ADAMTSL1: variants seen among roughly 807,000 people sequenced by gnomAD.
ADAMTSL1 encodes the protein ADAMTS like 1.
Under a neutral mutation model 201.8 loss-of-function variants are expected in ADAMTSL1, and 126 were observed. That is an observed-to-expected ratio of 0.62 (90% confidence interval 0.54 to 0.72). The LOEUF (loss-of-function observed/expected upper bound fraction) is 0.72, where lower values mean the gene tolerates loss of function less well. ADAMTSL1 is among the 30% of genes least tolerant of loss of function. The pLI is 0.00. For missense variants in ADAMTSL1, 2,679 were observed against 2,277.8 expected (o/e 1.18, Z -3.59); for synonymous variants, 1,121 against 903.4 (o/e 1.24, Z -4.32).
At chr9:18,254,275 G>A (rs1831580648) in intron 2 of ADAMTSL1, among the ~76,000 whole-genome samples, 1 of 150,792 alleles carries the variant, frequency 6.6e-6, no homozygotes, top group Non-Finnish European at 1.5e-5. Context: ...TTACGGACGG[G>A]TGGCCACGTT....
chr9:18,280,639 C>T (rs1028414889), intron 2 of ADAMTSL1, among the ~76,000 whole-genome samples: 1 of 152,168 alleles, frequency 6.6e-6, no homozygotes, highest in East Asian at 1.9e-4. Flanking sequence ...TTATTTGTCA[C>T]ATGTGTTAAG....
In ADAMTSL1 at chr9:18,064,954, A is replaced by ATTTTTT. The variant is rs563021690; in HGVS notation, c.88-98879_88-98874dup. Among the ~76,000 whole-genome samples, 107 of 69,008 alleles carry ATTTTTT rather than the reference A, an allele frequency of 1.6e-3. 7 individuals are homozygous for ATTTTTT. Among genetic ancestry groups the ATTTTTT allele is most frequent in the African/African-American group, 2.1e-3 (37 of 17,574 alleles). The allele number at this position is 69,008 out of a possible 152,430, so 45.3% of individuals were successfully genotyped here. A position where few individuals can be genotyped will look rare whatever the true frequency, so the allele number is the denominator to read the frequency against. Reference sequence around the variant, plus strand: ...ATTCAGAAAGCAGTATTTGCTAAAGATTTTTTTTTTTTTTTTTTTTTTTTT... The same window carrying ATTTTTT: ...ATTCAGAAAGCAGTATTTGCTAAAGATTTTTTTTTTTTTTTTTTTTTTTTTTTTTTT... On this transcript the variant is annotated intron_variant, in intron 1 of 29. Transcript: ENST00000680146.
At chr9:18,152,725 A>T (rs1392580713) in intron 1 of ADAMTSL1, among the ~76,000 whole-genome samples, 1 of 151,918 alleles carries the variant, frequency 6.6e-6, no homozygotes, top group Admixed American at 6.6e-5. Flanking sequence ...GTGAGCTTGG[A>T]GAGAGTGGAG....
chr9:18,703,543 T>A (rs192077864), intron 13 of ADAMTSL1, among the ~76,000 whole-genome samples: 1 of 151,796 alleles, frequency 6.6e-6, no homozygotes, highest in African/African-American at 2.4e-5. Context: ...GTGAACTCGA[T>A]GAAGACCTAA....
At chr9:18,650,098 G>A (rs1828119993) in intron 7 of ADAMTSL1, among the ~76,000 whole-genome samples, 2 of 152,202 alleles carry the variant, frequency 1.3e-5, no homozygotes, top group Admixed American at 6.5e-5. Flanking sequence ...GGCAATGGCG[G>A]GTGCCCATCC....
chr9:18,781,130 A>G (rs11792179), intron 19 of ADAMTSL1, among the ~76,000 whole-genome samples: 20,448 of 152,152 alleles, frequency 0.13, 1,696 homozygotes, highest in Non-Finnish European at 0.17. Context: ...GAGAAGGTTC[A>G]GTGGAATCTT....
intron 13 of ADAMTSL1, among the ~76,000 whole-genome samples, chr9:18,706,200 T>C (rs867276904): frequency 3.3e-5 from 5 of 152,150 alleles, no homozygotes; most frequent in Admixed American, 1.3e-4. Context: ...TCAGACCATA[T>C]AGGGTAACTT....
intron 2 of ADAMTSL1, among the ~76,000 whole-genome samples, chr9:18,513,343 C>T (rs1818154017): frequency 1.3e-5 from 2 of 152,202 alleles, no homozygotes; most frequent in South Asian, 4.1e-4. Flanking sequence ...CTCCCTTCTA[C>T]TGTCTGCTTC....
chr9:18,020,859 C>T (rs556043824), intron 1 of ADAMTSL1, among the ~76,000 whole-genome samples: 1 of 152,258 alleles, frequency 6.6e-6, no homozygotes, highest in South Asian at 2.1e-4. Flanking sequence ...GCGTCAGTAA[C>T]TGCAACTCAT....
At chr9:18,245,401 G>C (rs554616912) in intron 2 of ADAMTSL1, among the ~76,000 whole-genome samples, 2 of 152,248 alleles carry the variant, frequency 1.3e-5, no homozygotes, top group East Asian at 3.9e-4. Flanking sequence ...GCATACGTCA[G>C]TTTGGACTAG....
chr9:17,923,596 C>T (rs1826396620), intron 1 of ADAMTSL1, among the ~76,000 whole-genome samples: 2 of 145,002 alleles, frequency 1.4e-5, no homozygotes, highest in Admixed American at 6.9e-5. Flanking sequence ...TTCCTCTTTT[C>T]CTAATTGAAT....
chr9:18,338,257 C>T (rs1252424627), intron 2 of ADAMTSL1, among the ~76,000 whole-genome samples: 2 of 152,044 alleles, frequency 1.3e-5, no homozygotes, highest in Non-Finnish European at 2.9e-5. Context: ...GAGTCATCAG[C>T]CTGGAATTCC....
intron 2 of ADAMTSL1, among the ~76,000 whole-genome samples, chr9:18,329,482 G>T (rs560376437): frequency 3.3e-5 from 5 of 152,082 alleles, no homozygotes; most frequent in African/African-American, 9.7e-5. Context: ...TCCAAAACGT[G>T]TCCACTACAA....
chr9:18,744,080 G>C (rs1377506956), intron 15 of ADAMTSL1, among the ~76,000 whole-genome samples: 1 of 152,198 alleles, frequency 6.6e-6, no homozygotes, highest in Non-Finnish European at 1.5e-5. Context: ...ATGCCTGCTT[G>C]CTTACTTCAG....
At chr9:18,397,431 A>G (rs1352149225) in intron 2 of ADAMTSL1, among the ~76,000 whole-genome samples, 1 of 152,210 alleles carries the variant, frequency 6.6e-6, no homozygotes, top group Non-Finnish European at 1.5e-5. Flanking sequence ...AAAGAAAAAA[A>G]GCTCAAGATG....
At chr9:18,652,536 C>G (rs1363197618) in intron 7 of ADAMTSL1, among the ~76,000 whole-genome samples, 1 of 152,128 alleles carries the variant, frequency 6.6e-6, no homozygotes, top group Non-Finnish European at 1.5e-5. Context: ...AAATTTATTT[C>G]AAGTACCCAT....
chr9:18,574,295 T>C (rs1822558823), intron 4 of ADAMTSL1, 29 bp downstream of exon 4: 1 of 1,576,314 alleles, frequency 6.3e-7, no homozygotes, highest in East Asian at 2.2e-5. Context: ...TCATTCAACT[T>C]GTCCAGAGGG....
At chr9:18,299,012 A>AT (rs909975837) in intron 2 of ADAMTSL1, among the ~76,000 whole-genome samples, 30 of 40,372 alleles carry the variant, frequency 7.4e-4, no homozygotes, top group Non-Finnish European at 1.6e-3. Flanking sequence ...ACTCCGTCTC[A>AT]AAAAAAAAAA....
At chr9:18,710,968 C>T (rs777233404) in intron 14 of ADAMTSL1, among the ~76,000 whole-genome samples, 13 of 152,076 alleles carry the variant, frequency 8.5e-5, no homozygotes, top group South Asian at 6.2e-4. Context: ...TCAACCAAAA[C>T]GTTACACATA....
Sources: gnomAD v4.1 joint callset for allele counts (sites outside exome capture counted in the v4.1 genomes callset) on GRCh38, gnomAD v4.1.1 for gene constraint, MANE v1.5 for transcripts, NCBI Gene and HGNC (gene_info 2026-07-23, HGNC 2026-07-21) for gene names.